Variants in MAP4K3 observed in about 807,000 individuals in gnomAD.
MAP4K3 encodes the protein mitogen-activated protein kinase kinase kinase kinase 3.
In MAP4K3, 94 loss-of-function variants were observed where a neutral mutation model predicts 143.5. The ratio of observed to expected loss-of-function variants is 0.65; its 90% CI spans 0.55 to 0.78. The LOEUF (loss-of-function observed/expected upper bound fraction) is 0.78. MAP4K3 is among the 30% of genes least tolerant of loss of function. The pLI is 0.00. For missense variants in MAP4K3, 1,077 were observed against 1,068.1 expected, an observed-to-expected ratio of 1.01 and a Z score of -0.12; for synonymous variants, 416 against 347.2, an observed-to-expected ratio of 1.20 and a Z score of -2.20.
chr2:39,354,661 C>T (rs1380190033), intron 3 of MAP4K3, among the ~76,000 whole-genome samples: 3 of 147,594 alleles, frequency 2.0e-5, no homozygotes, highest in African/African-American at 7.6e-5. Context: ...GACTCTGTCT[C>T]AAACAAACAA....
intron 1 of MAP4K3, among the ~76,000 whole-genome samples, chr2:39,382,919 A>G (rs946072874): frequency 2.0e-5 from 3 of 152,220 alleles, no homozygotes; most frequent in Admixed American, 2.0e-4. Flanking sequence ...GATGGCCTGA[A>G]TTAGGAAAAA....
chr2:39,304,180 G>T (rs1417382384), intron 15 of MAP4K3, among the ~76,000 whole-genome samples: 5 of 149,626 alleles, frequency 3.3e-5, no homozygotes, highest in Non-Finnish European at 5.9e-5. Flanking sequence ...AGCACTTTTG[G>T]ATAGCACAAA....
chr2:39,427,446 ATGTAAAGAAGCAC>A (rs1476978103), intron 1 of MAP4K3, among the ~76,000 whole-genome samples: 1 of 152,156 alleles, frequency 6.6e-6, no homozygotes, highest in African/African-American at 2.4e-5. Context: ...CTACACGTAA[ATGTAAAGAAGCAC>A]TGTCTGTATA....
At chr2:39,424,275 T>C (rs1029478543) in intron 1 of MAP4K3, among the ~76,000 whole-genome samples, 2 of 152,034 alleles carry the variant, frequency 1.3e-5, no homozygotes, top group African/African-American at 2.4e-5. Flanking sequence ...TGTATCACAC[T>C]GAATTAAGAT....
intron 1 of MAP4K3, among the ~76,000 whole-genome samples, chr2:39,404,445 A>G (rs1667036775): frequency 6.6e-6 from 1 of 151,146 alleles, no homozygotes; most frequent in Non-Finnish European, 1.5e-5. Context: ...GCCTGACAGT[A>G]CTCCCCATGG....
intron 13 of MAP4K3, among the ~76,000 whole-genome samples, chr2:39,310,739 C>A (rs2148500481): frequency 6.6e-6 from 1 of 152,264 alleles, no homozygotes; most frequent in South Asian, 2.1e-4. Flanking sequence ...TGCATTTTCA[C>A]CAGCATGTGT....
intron 2 of MAP4K3, among the ~76,000 whole-genome samples, chr2:39,369,205 G>GTTTTTTTGTTTTT (rs1553419631): frequency 1.6e-5 from 2 of 125,368 alleles, no homozygotes; most frequent in African/African-American, 6.3e-5. Flanking sequence ...TTTTTTTTTT[G>GTTTTTTTGTTTTT]TTTTTTTTGA....
chr2:39,324,262 C>G (rs1168069825), intron 12 of MAP4K3, among the ~76,000 whole-genome samples: 1 of 151,998 alleles, frequency 6.6e-6, no homozygotes, highest in African/African-American at 2.4e-5. Flanking sequence ...CAAAAATTAG[C>G]TGGGCATGGT....
At chr2:39,429,940 G>A (rs1201140517) in intron 1 of MAP4K3, among the ~76,000 whole-genome samples, 1 of 152,204 alleles carries the variant, frequency 6.6e-6, no homozygotes, top group African/African-American at 2.4e-5. Flanking sequence ...CAAAAGTGCT[G>A]AGGCAATTCA....
chr2:39,417,466 C>A (rs1216906617), intron 1 of MAP4K3, among the ~76,000 whole-genome samples: 1 of 151,972 alleles, frequency 6.6e-6, no homozygotes, highest in East Asian at 1.9e-4. Context: ...TGATCCACCC[C>A]CTCCGTCTCC....
chr2:39,384,716 A>C (rs1425714117), intron 1 of MAP4K3, among the ~76,000 whole-genome samples: 1 of 152,264 alleles, frequency 6.6e-6, no homozygotes, highest in Non-Finnish European at 1.5e-5. Flanking sequence ...AATTTTGTTT[A>C]ATTGTACGTG....
chr2:39,428,284 T>A (rs1665160232), intron 1 of MAP4K3, among the ~76,000 whole-genome samples: 1 of 152,268 alleles, frequency 6.6e-6, no homozygotes, highest in South Asian at 2.1e-4. Context: ...TAAGTGTATT[T>A]TCCTTTAATA....
intron 12 of MAP4K3, among the ~76,000 whole-genome samples, chr2:39,322,118 C>T (rs553115006): frequency 1.3e-5 from 2 of 152,322 alleles, no homozygotes; most frequent in Non-Finnish European, 1.5e-5. Context: ...AGGGGCAACC[C>T]ACCCCTTCAA....
At position 39,290,664 on chromosome 2, in the gene MAP4K3, G is replaced by A. The variant is rs148783466; in HGVS notation, c.1272-330C>T. 1.8e-4 allele frequency among the ~76,000 whole-genome samples: 27 copies of A among 152,198 alleles called. No individual in the cohort carries two copies. In the East Asian group the frequency reaches 4.0e-3, roughly 23 times the overall value. The stretch of plus-strand genomic sequence containing the variant: ...GGATACTAGGAACTGGGAAGGGCAG[G>A]GAAAAGGGGACGAAAGGGAGAGATT... On this transcript the variant is annotated intron_variant, in intron 18 of 33. Transcript: ENST00000263881.
At chr2:39,311,036 T>G (rs1682920667) in intron 13 of MAP4K3, among the ~76,000 whole-genome samples, 2 of 152,208 alleles carry the variant, frequency 1.3e-5, no homozygotes, top group Non-Finnish European at 2.9e-5. Flanking sequence ...AAGTTCTAAC[T>G]TGCTACTTTG....
chr2:39,326,268 T>A lies in MAP4K3; in HGVS notation c.540A>T (p.Pro180=). The part of the protein sequence containing the change: ...SFIGTPYWMA[P]EVAAVERKGG... ...CCTTCCTCTCAACAGCTGCAACTTC[T>A]GGAGCCATCCTGAAATAAATATTCC... is the stretch of plus-strand genomic sequence containing the variant. The change falls in exon 9 of 34, where the codon CCA becomes CCT. Residue 180 remains proline (P), a synonymous_variant. Transcript: ENST00000263881. The A allele has an allele frequency of 6.2e-7, 1 of 1,613,786 alleles. No homozygotes were observed.
At chr2:39,359,458 G>A (rs2148556657) in intron 2 of MAP4K3, among the ~76,000 whole-genome samples, 2 of 152,268 alleles carry the variant, frequency 1.3e-5, no homozygotes, top group Admixed American at 1.3e-4. Context: ...GCTTTTCCAG[G>A]CACACAGTGC....
intron 3 of MAP4K3, 84 bp downstream of exon 3, chr2:39,356,165 T>G (rs982747778): frequency 4.0e-6 from 3 of 750,948 alleles, no homozygotes; most frequent in Non-Finnish European, 6.5e-6. Context: ...CTACAAAACA[T>G]GGTATTAAAA....
chr2:39,356,887 CT>C (rs1665625995), intron 2 of MAP4K3, among the ~76,000 whole-genome samples: 1 of 152,062 alleles, frequency 6.6e-6, no homozygotes, highest in Non-Finnish European at 1.5e-5. Flanking sequence ...AGAAGTAATT[CT>C]TTTCTAAGTT....
Sources: gnomAD v4.1 joint callset for allele counts (sites outside exome capture counted in the v4.1 genomes callset) on GRCh38, gnomAD v4.1.1 for gene constraint, MANE v1.5 for transcripts, NCBI Gene and HGNC (gene_info 2026-07-23, HGNC 2026-07-21) for gene names.